Variants in USP35 observed in about 807,000 individuals in gnomAD.
The protein encoded by USP35 is ubiquitin specific peptidase 35, also known as ubiquitin carboxyl-terminal hydrolase 35.
A neutral mutation model predicts 83.8 loss-of-function variants in USP35; 69 were observed. The ratio of observed to expected loss-of-function variants is 0.82; its 90% CI spans 0.68 to 1.01. The LOEUF (loss-of-function observed/expected upper bound fraction) is 1.01, where lower values mean the gene tolerates loss of function less well. USP35 is among the 50% of genes least tolerant of loss of function. The pLI, the probability that USP35 is intolerant of heterozygous loss-of-function variation, is 0.00. For synonymous variants in USP35, 714 were observed against 589.5 expected (o/e 1.21, Z -3.06); for missense variants, 1,503 against 1,362.5 (o/e 1.10, Z -1.62).
chr11:78,223,493 G>T, the USP35 span: 9 of 1,609,940 alleles, frequency 5.6e-6, no homozygotes, highest in Admixed American at 1.7e-5. Context: ...TGCACAGGAA[G>T]GGTTGTTGAT....
chr11:78,196,356 G>T lies in USP35; in HGVS notation c.111G>T (p.Gln37His), dbSNP rs1431674326. 5 of 1,558,826 alleles carry T rather than the reference G, an allele frequency of 3.2e-6. No individual in the cohort carries two copies. The Admixed American group carries it at 9.4e-5, about 29-fold the overall frequency. Residue 37 changes from glutamine to histidine, a missense_variant, in exon 2 of 11, where the codon CAG becomes CAT. Gln to His is a conservative substitution (Grantham distance 24). Transcript: ENST00000529308. The surrounding 1 kb of genome is among the most constrained non-coding windows in gnomAD (Gnocchi z 4.8). ...EAARQPLERE[Q>H]CLALLALGAR... ...CGCGGCAGCCGCTGGAGCGTGAGCAGTGCCTGGCGCTGCTGGCGCTGGGCG... is the reference window on the plus strand; with the variant it reads ...CGCGGCAGCCGCTGGAGCGTGAGCATTGCCTGGCGCTGCTGGCGCTGGGCG...
the USP35 span, chr11:78,221,570 G>C: frequency 1.7e-6 from 1 of 596,012 alleles, no homozygotes; most frequent in South Asian, 2.4e-5. Context: ...AATAATACAA[G>C]GAGTCCCTGG....
At chr11:78,221,658 C>T in the USP35 span, 108 of 1,526,112 alleles carry the variant, frequency 7.1e-5, no homozygotes, top group East Asian at 1.6e-4. Context: ...GTCATTCCAG[C>T]GAAGCCCGAA....
chr11:78,203,017 G>A (rs1416310938), intron 6 of USP35, among the ~76,000 whole-genome samples: 1 of 152,126 alleles, frequency 6.6e-6, no homozygotes, highest in African/African-American at 2.4e-5. Flanking sequence ...GAGGGACCCT[G>A]CCCCGGGCAC....
chr11:78,211,222 C>G (rs528216141), intron 10 of USP35, among the ~76,000 whole-genome samples: 9 of 151,918 alleles, frequency 5.9e-5, no homozygotes, highest in African/African-American at 2.2e-4. Context: ...TCTGTTCCTG[C>G]GTTAATTTGC....
chr11:78,204,040 G>A (rs1160262553), intron 6 of USP35, among the ~76,000 whole-genome samples: 7 of 150,682 alleles, frequency 4.6e-5, no homozygotes, highest in Admixed American at 6.6e-5. Context: ...ACAGGCGCCC[G>A]CCACTACGCC....
chr11:78,230,030 T>C, the USP35 span, among the ~76,000 whole-genome samples: 44,965 of 152,170 alleles, frequency 0.3, 8,706 homozygotes, highest in African/African-American at 0.54. Flanking sequence ...TACTTATCTC[T>C]GCCAACAGAC....
At position 78,194,409 on chromosome 11, in the gene USP35, A is replaced by C. The variant is rs72946591; in HGVS notation, c.-10-1827A>C. On this transcript the variant is annotated intron_variant, in intron 1 of 10. Coordinates refer to ENST00000529308, the MANE Select transcript of USP35 (RefSeq NM_020798.4). ...ATAAAACTTTCCAGCTTATTATCCCAGAAATTTAAGGCTTGTCCACACTCT... is the reference window on the plus strand; with the variant it reads ...ATAAAACTTTCCAGCTTATTATCCCCGAAATTTAAGGCTTGTCCACACTCT... 3.3e-3 allele frequency among the ~76,000 whole-genome samples: 503 copies of C among 152,332 alleles called. 1 individual carries two copies. The highest frequency in any genetic ancestry group is 3.4e-3 in the Non-Finnish European group (231 of 68,032).
the USP35 span, chr11:78,221,636 G>C: frequency 7.1e-6 from 9 of 1,270,508 alleles, no homozygotes; most frequent in Admixed American, 1.8e-5. Context: ...GGTCCCAGGG[G>C]ACTTGAAAGG....
downstream of USP35, chr11:78,215,671 A>ATAAATCACATGACAGCCTGGATCTC (rs1198894023): frequency 4.6e-5 from 7 of 152,318 alleles, no homozygotes; most frequent in African/African-American, 1.7e-4. Flanking sequence ...ACATGCCACC[A>ATAAATCACATGACAGCCTGGATCTC]TAAATCACAT....
chr11:78,223,680 G>C, the USP35 span: 1 of 1,589,452 alleles, frequency 6.3e-7, no homozygotes, highest in Non-Finnish European at 8.6e-7. Context: ...TCCCTGGCTA[G>C]GGAGAGGAAC....
downstream of USP35, chr11:78,216,619 A>G (rs1185221345): frequency 1.3e-5 from 2 of 150,126 alleles, no homozygotes; most frequent in African/African-American, 5.0e-5. Flanking sequence ...AGTTACCAGA[A>G]TAGGGGGCTG....
chr11:78,200,276 G>GCTGCCCCTGGTAAGGGCCCTGCCTA (rs763720231), intron 5 of USP35, 42 bp downstream of exon 5: 3 of 1,598,794 alleles, frequency 1.9e-6, no homozygotes, highest in Admixed American at 1.7e-5. Context: ...GCCCCTGCCT[G>GCTGCCCCTGGTAAGGGCCCTGCCTA]CTGCCCCTGG....
At chr11:78,217,615 T>A (rs1864215014), downstream of USP35, 1 of 152,174 alleles carries the variant, frequency 6.6e-6, no homozygotes. Flanking sequence ...CTTCTGAAAC[T>A]CTTGAAAATT....
At chr11:78,197,235 A>T (rs145553674) in intron 2 of USP35, among the ~76,000 whole-genome samples, 1 of 740 alleles carries the variant, frequency 1.4e-3, no homozygotes, top group African/African-American at 3.8e-3. Context: ...GGGGCGGGGG[A>T]GGTGGGGGGG....
rs929888384 is a variant in USP35, at chr11:78,205,901, T to G, written c.1257T>G (p.Thr419=). Residue 419 remains threonine (T), a synonymous_variant, in exon 7 of 11, where the codon ACT becomes ACG. Coordinates refer to ENST00000529308, the MANE Select transcript of USP35 (RefSeq NM_020798.4). ...IKQLLGQDAW[T]SQKSELAGFY... The stretch of plus-strand genomic sequence containing the variant: ...AGCTGCTGGGGCAGGATGCCTGGAC[T>G]TCGCAGAAGAGCGAGCTGGCGGGTT... 1.8e-5 allele frequency: 29 copies of G among 1,614,256 alleles called. No homozygotes were observed. The highest frequency in any genetic ancestry group is 2.5e-5 in the Non-Finnish European group (29 of 1,180,040).
At chr11:78,229,511 C>CT in the USP35 span, among the ~76,000 whole-genome samples, 3 of 152,210 alleles carry the variant, frequency 2.0e-5, no homozygotes, top group Non-Finnish European at 4.4e-5. Flanking sequence ...AACTCTTCTC[C>CT]TCCTGCCTCT....
Position 78,213,854 on chromosome 11 carries a change from CA to C in USP35, c.*42del, listed in dbSNP as rs746840475. On this transcript the variant is annotated 3_prime_UTR_variant, in exon 11 of 11. Coordinates refer to ENST00000529308, the MANE Select transcript of USP35 (RefSeq NM_020798.4). ...AACCTGACCCCTTCCCTCCAGGAGC[CA>C]GGTAGGGCCTGAGGGAAGCTGTGGA... is the stretch of plus-strand genomic sequence containing the variant. The C allele has an allele frequency of 1.0e-5, 16 of 1,528,402 alleles. No individual in the cohort carries two copies. The Admixed American group carries it at 2.8e-4, about 26-fold the overall frequency. The allele number at this position is 1,528,402 out of a possible 1,614,324, so 94.7% of individuals were successfully genotyped here. A position where few individuals can be genotyped will look rare whatever the true frequency, so the allele number is the denominator to read the frequency against.
chr11:78,220,892 T>C, the USP35 span, among the ~76,000 whole-genome samples: 1 of 152,194 alleles, frequency 6.6e-6, no homozygotes, highest in Non-Finnish European at 1.5e-5. Context: ...CTGGAAAGTT[T>C]TCTTCTGTCG....
Sources: allele counts gnomAD v4.1 joint callset (sites outside exome capture counted in the v4.1 genomes callset), GRCh38; gene constraint gnomAD v4.1.1; non-coding constraint Gnocchi (gnomAD v3.1); transcripts MANE v1.5; gene names NCBI Gene and HGNC (gene_info 2026-07-23, HGNC 2026-07-21).